The following CISD2 variants were observed in gnomAD, a reference collection of about 807,000 sequenced individuals.
The protein encoded by CISD2 is CDGSH iron-sulfur domain-containing protein 2.
CISD2 carries 1 observed loss-of-function variant against 12.9 expected under a neutral mutation model. The ratio of observed to expected loss-of-function variants is 0.08; its 90% confidence interval spans 0.03 to 0.37. The LOEUF (loss-of-function observed/expected upper bound fraction) is 0.37. Ranked by LOEUF, CISD2 falls within the 10% of genes least tolerant of loss-of-function variation. CISD2 has a pLI of 0.99. For missense variants in CISD2, 97 were observed against 163.1 expected, an observed-to-expected ratio of 0.59 and a Z score of 2.21; for synonymous variants, 50 against 60.6, an observed-to-expected ratio of 0.83 and a Z score of 0.81.
Position 102,892,663 on chromosome 4 carries a change from C to G in CISD2, c.*5233C>G, listed in dbSNP as rs1017905595. The G allele has an allele frequency of 1.3e-5, 2 of 152,092 alleles. No individual in the cohort carries two copies. The highest frequency in any genetic ancestry group is 1.3e-4 in the Admixed American group (2 of 15,262). The allele number at this position is 152,092 out of a possible 1,614,324, so 9.4% of individuals were successfully genotyped here. A position where few individuals can be genotyped will look rare whatever the true frequency, so the allele number is the denominator to read the frequency against. Reference sequence around the variant, plus strand: ...CTTAGAACACTGTTGTCAGATAGATCAGCCATAATGTTAACACATTTCTGA... The same window carrying G: ...CTTAGAACACTGTTGTCAGATAGATGAGCCATAATGTTAACACATTTCTGA... On this transcript the variant is annotated 3_prime_UTR_variant, in exon 3 of 3. Coordinates refer to ENST00000273986, the MANE Select transcript of CISD2 (RefSeq NM_001008388.5).
intron 2 of CISD2, 129 bp from the exon 3 acceptor site, chr4:102,887,212 A>G (rs960315880): frequency 1.6e-6 from 1 of 637,470 alleles, no homozygotes; most frequent in African/African-American, 1.8e-5. Context: ...GAATGTAACT[A>G]TTACTCAGGA....
intron 1 of CISD2, chr4:102,874,769 A>C (rs1378428547): frequency 6.6e-6 from 1 of 152,210 alleles, no homozygotes; most frequent in Non-Finnish European, 1.5e-5. Context: ...CCTAGTAGAG[A>C]CTACTGCTCA....
intron 1 of CISD2, among the ~76,000 whole-genome samples, chr4:102,871,574 G>C (rs1733450265): frequency 6.6e-6 from 1 of 152,114 alleles, no homozygotes; most frequent in Non-Finnish European, 1.5e-5. Context: ...CAAAACAATT[G>C]CAGGGTTTAT....
chr4:102,891,161 T>C lies in CISD2; in HGVS notation c.*3731T>C, dbSNP rs1287048978. ...TAATAGTAGTCTAGGTAAGTCAAGTTCAAATTAAGTGGTAATTGAAAAAGT... is the reference window on the plus strand; with the variant it reads ...TAATAGTAGTCTAGGTAAGTCAAGTCCAAATTAAGTGGTAATTGAAAAAGT... On this transcript the variant is annotated 3_prime_UTR_variant, in exon 3 of 3. Coordinates refer to ENST00000273986, the MANE Select transcript of CISD2 (RefSeq NM_001008388.5). 1 of 150,062 alleles carries C rather than the reference T, an allele frequency of 6.7e-6. No homozygotes were observed. Among genetic ancestry groups the C allele is most frequent in the Non-Finnish European group, 1.5e-5 (1 of 67,980 alleles). 9.3% of individuals were successfully genotyped at this position (150,062 alleles called of 1,614,324 possible).
chr4:102,880,587 A>G (rs1257005467), intron 1 of CISD2, among the ~76,000 whole-genome samples: 2 of 152,174 alleles, frequency 1.3e-5, no homozygotes, highest in Non-Finnish European at 2.9e-5. Context: ...CGGAGGCACA[A>G]GAATCACTTG....
At chr4:102,876,555 C>G (rs1733597467) in intron 1 of CISD2, among the ~76,000 whole-genome samples, 1 of 152,134 alleles carries the variant, frequency 6.6e-6, no homozygotes, top group African/African-American at 2.4e-5. Context: ...CGAGACCATC[C>G]TGGTCAACAT....
At chr4:102,872,150 C>T (rs1733470388) in intron 1 of CISD2, among the ~76,000 whole-genome samples, 1 of 152,126 alleles carries the variant, frequency 6.6e-6, no homozygotes, top group African/African-American at 2.4e-5. Context: ...CTCACTGCAA[C>T]CTCTGCCTCC....
At chr4:102,883,752 T>C (rs752879702) in intron 1 of CISD2, among the ~76,000 whole-genome samples, 3 of 152,246 alleles carry the variant, frequency 2.0e-5, no homozygotes, top group Non-Finnish European at 4.4e-5. Context: ...TTCATACTTT[T>C]ACAGAGTTTT....
At chr4:102,870,853 T>A (rs999149094) in intron 1 of CISD2, among the ~76,000 whole-genome samples, 1 of 152,234 alleles carries the variant, frequency 6.6e-6, no homozygotes, top group Admixed American at 6.5e-5. Flanking sequence ...TAACCATTCA[T>A]TCCCTTACAA....
intron 1 of CISD2, among the ~76,000 whole-genome samples, chr4:102,882,070 C>T (rs1733734811): frequency 1.3e-5 from 2 of 152,078 alleles, no homozygotes; most frequent in South Asian, 4.2e-4. Context: ...TGTGCTCCTG[C>T]AGTTTTAGTT....
intron 1 of CISD2, among the ~76,000 whole-genome samples, chr4:102,871,967 C>G (rs1205705654): frequency 6.6e-6 from 1 of 152,062 alleles, no homozygotes; most frequent in Non-Finnish European, 1.5e-5. Context: ...TAAATACAGG[C>G]AGTTCTCACC....
intron 1 of CISD2, among the ~76,000 whole-genome samples, chr4:102,883,972 C>T (rs1362723090): frequency 6.6e-6 from 1 of 152,100 alleles, no homozygotes; most frequent in Non-Finnish European, 1.5e-5. Context: ...TAGGTTTTTT[C>T]ATTTAGATTT....
Position 102,873,464 on chromosome 4 carries a change from G to A in CISD2, c.103+4277G>A, listed in dbSNP as rs112727066. 9.7e-3 allele frequency among the ~76,000 whole-genome samples: 1,470 copies of A among 151,706 alleles called. 16 individuals carry two copies. The highest frequency in any genetic ancestry group is 0.032 in the African/African-American group (1,332 of 41,334). On this transcript the variant is annotated intron_variant, in intron 1 of 2. Transcript: ENST00000273986. Reference sequence around the variant, plus strand: ...TTTTTTTGTATCTTATTTTAGAGACGGGGTTTTGCCATGTTGCCCAGGCTG... The same window carrying A: ...TTTTTTTGTATCTTATTTTAGAGACAGGGTTTTGCCATGTTGCCCAGGCTG...
At chr4:102,880,804 C>T (rs1733700443) in intron 1 of CISD2, among the ~76,000 whole-genome samples, 1 of 151,764 alleles carries the variant, frequency 6.6e-6, no homozygotes, top group Non-Finnish European at 1.5e-5. Context: ...ACCAACCTGA[C>T]CAACACGGTG....
chr4:102,876,211 G>T (rs1471863869), intron 1 of CISD2, among the ~76,000 whole-genome samples: 2 of 152,152 alleles, frequency 1.3e-5, no homozygotes, highest in Non-Finnish European at 2.9e-5. Flanking sequence ...AGTAAATATT[G>T]TTGAACAAAT....
intron 1 of CISD2, among the ~76,000 whole-genome samples, chr4:102,880,050 C>G (rs1252946719): frequency 6.6e-6 from 1 of 152,034 alleles, no homozygotes; most frequent in Non-Finnish European, 1.5e-5. Context: ...TTAAGTGATT[C>G]TCCTGCCTCA....
intron 1 of CISD2, among the ~76,000 whole-genome samples, chr4:102,869,905 C>G (rs1733384769): frequency 6.6e-6 from 1 of 152,196 alleles, no homozygotes; most frequent in Admixed American, 6.5e-5. Context: ...AGGACCCTCA[C>G]TTAACCCACA....
In CISD2 at chr4:102,888,443, C is replaced by A. The variant is rs1734053043; in HGVS notation, c.*1013C>A. On this transcript the variant is annotated 3_prime_UTR_variant, in exon 3 of 3. Coordinates refer to ENST00000273986, the MANE Select transcript of CISD2 (RefSeq NM_001008388.5). ...TCACATCCCATGCACAAATGCTGAT[C>A]TGTGTGACCTCACCTGCATTTGATT... 1 of 152,200 alleles carries A rather than the reference C, an allele frequency of 6.6e-6. No homozygotes were observed. Among genetic ancestry groups the A allele is most frequent in the Non-Finnish European group, 1.5e-5 (1 of 68,038 alleles). The allele number at this position is 152,200 out of a possible 1,614,324, so 9.4% of individuals were successfully genotyped here.
chr4:102,883,146 A>C (rs896796468), intron 1 of CISD2, among the ~76,000 whole-genome samples: 7 of 152,228 alleles, frequency 4.6e-5, no homozygotes, highest in Non-Finnish European at 8.8e-5. Flanking sequence ...AGAGATACTA[A>C]ATAACTTGCC....
Sources: allele counts gnomAD v4.1 joint callset (sites outside exome capture counted in the v4.1 genomes callset), GRCh38; gene constraint gnomAD v4.1.1; transcripts MANE v1.5; gene names NCBI Gene and HGNC (gene_info 2026-07-23, HGNC 2026-07-21).